The following LAMB3 variants were observed in gnomAD, a reference collection of about 807,000 sequenced individuals.
LAMB3 encodes the protein laminin subunit beta 3.
Under a neutral mutation model 140.3 loss-of-function variants are expected in LAMB3, and 104 were observed. That is an observed-to-expected ratio of 0.74 (90% CI 0.63 to 0.87). LAMB3 has a LOEUF of 0.87. LAMB3 is among the 40% of genes least tolerant of loss of function. LAMB3 has a pLI of 0.00. For missense variants in LAMB3, 1,531 were observed against 1,575.2 expected (o/e 0.97, Z 0.47); for synonymous variants, 592 against 602.9 (o/e 0.98, Z 0.26).
chr1:209,621,236 A>G (rs1371169872), intron 18 of LAMB3, among the ~76,000 whole-genome samples: 1 of 152,212 alleles, frequency 6.6e-6, no homozygotes, highest in African/African-American at 2.4e-5. Context: ...GACTTGACTC[A>G]GGGGCAAGAA....
chr1:209,636,296 G>GACTTCTACCCACCAGTTATCATT (rs1666892226), intron 5 of LAMB3, among the ~76,000 whole-genome samples: 1 of 152,144 alleles, frequency 6.6e-6, no homozygotes, highest in Admixed American at 6.5e-5. Flanking sequence ...CAGCGTCCCT[G>GACTTCTACCCACCAGTTATCATT]ACTTCTACCC....
At chr1:209,633,547 A>G (rs1571822600) in intron 6 of LAMB3, among the ~76,000 whole-genome samples, 1 of 149,966 alleles carries the variant, frequency 6.7e-6, no homozygotes, top group Non-Finnish European at 1.5e-5. Flanking sequence ...AGTTTCAACT[A>G]TGCTTTGATT....
Position 209,632,938 on chromosome 1 carries a change from G to A in LAMB3, c.628+132C>T, listed in dbSNP as rs1666747996. On this transcript the variant is annotated intron_variant, in intron 7 of 22. Coordinates refer to ENST00000356082, the MANE Select transcript of LAMB3 (RefSeq NM_000228.3). ...CACAGACAATATCCCTATGGGGCAA[G>A]CAGGGCAAGTATCAAATCCCCAACC... 11 of 1,031,874 alleles carry A rather than the reference G, an allele frequency of 1.1e-5. No individual in the cohort carries two copies. The South Asian group carries it at 1.4e-4, about 13-fold the overall frequency. 63.9% of individuals were successfully genotyped at this position (1,031,874 alleles called of 1,614,324 possible).
At chr1:209,644,452 A>G (rs1352941406) in intron 3 of LAMB3, among the ~76,000 whole-genome samples, 3 of 152,218 alleles carry the variant, frequency 2.0e-5, no homozygotes, top group African/African-American at 4.8e-5. Context: ...TGAGGTAGCT[A>G]TACTACATTT....
At position 209,623,874 on chromosome 1, in the gene LAMB3, C is replaced by T. The variant is rs1278653716; in HGVS notation, c.2103G>A (p.Glu701=). Residue 701 remains glutamate, a synonymous_variant, in exon 15 of 23, where the codon GAG becomes GAA. Coordinates refer to ENST00000356082, the MANE Select transcript of LAMB3 (RefSeq NM_000228.3). The surrounding 1 kb of genome is among the most constrained non-coding windows in gnomAD (Gnocchi z 4.2). ...CAGCACTGCTTATTTTTTCAAACTG[C>T]TCCCTCTTCCTCTGATACATAGTAA... The part of the protein sequence containing the change: ...GLLTMYQRKR[E]QFEKISSADP... 6.2e-7 allele frequency: 1 copy of T among 1,614,178 alleles called. No homozygotes were observed.
Position 209,625,979 on chromosome 1 carries a change from C to T in LAMB3, c.1645G>A (p.Ala549Thr), listed in dbSNP as rs768613245. ...RGTEGPGCDK[A>T]SGRCLCRPGL... ...GGGCGGCAGAGGCAGCGGCCTGATG[C>T]CTTGTCGCAGCCCGGGCCCTCTGTT... Residue 549 changes from alanine (A) to threonine (T), a missense_variant, in exon 14 of 23, where the codon GCA becomes ACA. Ala to Thr is a moderately conservative substitution (Grantham distance 58, BLOSUM62 0). Transcript: ENST00000356082. 7.4e-6 allele frequency: 12 copies of T among 1,613,552 alleles called. 1 individual carries two copies. In the South Asian group the frequency reaches 1.1e-4, roughly 15 times the overall value.
Position 209,628,134 on chromosome 1 carries a change from C to A in LAMB3, c.1189G>T (p.Gly397Trp). Reference protein sequence around the residue: ...VPGAPCDPVTGQCVCKEHVQG... With the variant: ...VPGAPCDPVTWQCVCKEHVQG... ...ACATGCTCCTTGCACACACACTGCC[C>A]GGTCACTGGGTCACAGGGAGCCCCT... The change falls in exon 11 of 23, where the codon GGG becomes TGG. Residue 397 changes from glycine (G) to tryptophan (W), a missense_variant. By Grantham distance (184) the Gly-to-Trp change is radical (BLOSUM62 -2). Coordinates refer to ENST00000356082, the MANE Select transcript of LAMB3 (RefSeq NM_000228.3). The A allele has an allele frequency of 6.3e-7, 1 of 1,581,044 alleles. No homozygotes were observed. The highest frequency in any genetic ancestry group is 2.3e-5 in the East Asian group (1 of 42,904).
chr1:209,617,335 G>T, intron 21 of LAMB3, 75 bp downstream of exon 21: 2 of 1,463,010 alleles, frequency 1.4e-6, no homozygotes, highest in Non-Finnish European at 1.9e-6. Context: ...GTCTTATAAA[G>T]TGTGCAAAGT....
In LAMB3 at chr1:209,616,582, G is replaced by T; in HGVS notation, c.3271C>A (p.Arg1091=). ...IKQKYAELKD[R]LGQSSMLGEQ... ...CCCAGCATGGAACTCTGACCCAACCGGTCCTTCAACTCAGCATACTTTTGT... is the reference window on the plus strand; with the variant it reads ...CCCAGCATGGAACTCTGACCCAACCTGTCCTTCAACTCAGCATACTTTTGT... The change falls in exon 22 of 23, where the codon CGG becomes AGG. Residue 1091 remains arginine, a synonymous_variant. Transcript: ENST00000356082. 6.2e-7 allele frequency: 1 copy of T among 1,614,104 alleles called. No homozygotes were observed. The highest frequency in any genetic ancestry group is 2.2e-5 in the East Asian group (1 of 44,882).
chr1:209,648,258 A>G (rs1337085527), intron 3 of LAMB3, among the ~76,000 whole-genome samples: 2 of 152,206 alleles, frequency 1.3e-5, no homozygotes, highest in Admixed American at 1.3e-4. Flanking sequence ...CCTAAAGACC[A>G]TCTCATCTAA....
At chr1:209,633,984 C>G (rs1291383447) in intron 6 of LAMB3, among the ~76,000 whole-genome samples, 1 of 152,196 alleles carries the variant, frequency 6.6e-6, no homozygotes, top group African/African-American at 2.4e-5. Flanking sequence ...CTGGGTTTAC[C>G]AGAATTCCCT....
Position 209,618,036 on chromosome 1 carries a change from A to G in LAMB3, c.2922T>C (p.His974=), listed in dbSNP as rs1284559974. ...CATCTTCCACCTGGCCCTCCACTGC[A>G]TGGGCTCGGCTCCTGGGTGAGAGAA... ...AEAEEARSRA[H]AVEGQVEDVV... Residue 974 remains histidine (H), a synonymous_variant, in exon 20 of 23, where the codon CAT becomes CAC. Transcript: ENST00000356082. The G allele has an allele frequency of 7.4e-6, 12 of 1,614,006 alleles. No homozygotes were observed. Among genetic ancestry groups the G allele is most frequent in the Non-Finnish European group, 3.4e-6 (4 of 1,180,030 alleles).
intron 14 of LAMB3, 38 bp from the exon 15 acceptor site, chr1:209,624,038 G>T: frequency 6.3e-7 from 1 of 1,595,452 alleles, no homozygotes; most frequent in Non-Finnish European, 8.5e-7. Context: ...AATATAGGAG[G>T]GAGTTTTGCC....
At chr1:209,621,955 G>C (rs906788249) in intron 18 of LAMB3, among the ~76,000 whole-genome samples, 1 of 152,208 alleles carries the variant, frequency 6.6e-6, no homozygotes, top group African/African-American at 2.4e-5. Context: ...ACAACTGAAT[G>C]AGGGTGAGTA....
intron 3 of LAMB3, among the ~76,000 whole-genome samples, chr1:209,640,217 A>T (rs771864683): frequency 1.3e-5 from 2 of 152,228 alleles, no homozygotes; most frequent in Non-Finnish European, 2.9e-5. Context: ...TTGGGTGTTT[A>T]AGGCTCAAAT....
At chr1:209,644,483 T>C (rs560079204) in intron 3 of LAMB3, among the ~76,000 whole-genome samples, 1 of 152,324 alleles carries the variant, frequency 6.6e-6, no homozygotes, top group African/African-American at 2.4e-5. Context: ...GGTATCCCCA[T>C]TTTGCAGATT....
At chr1:209,646,336 G>A (rs2076517912) in intron 3 of LAMB3, among the ~76,000 whole-genome samples, 1 of 152,220 alleles carries the variant, frequency 6.6e-6, no homozygotes, top group Non-Finnish European at 1.5e-5. Context: ...ATCTGTCTCT[G>A]AGAAGCAAGC....
rs201154610 is a variant in LAMB3, at chr1:209,625,969, C to A, written c.1655G>T (p.Arg552Leu). 1.9e-6 allele frequency: 3 copies of A among 1,613,548 alleles called. No homozygotes were observed. Residue 552 changes from arginine (R) to leucine (L), a missense_variant, in exon 14 of 23, where the codon CGC becomes CTC. Arg to Leu is a moderately radical substitution (Grantham distance 102, BLOSUM62 -2). Coordinates refer to ENST00000356082, the MANE Select transcript of LAMB3 (RefSeq NM_000228.3). ...EGPGCDKASG[R>L]CLCRPGLTGP... Reference sequence around the variant, plus strand: ...GGTCAAGCCAGGGCGGCAGAGGCAGCGGCCTGATGCCTTGTCGCAGCCCGG... The same window carrying A: ...GGTCAAGCCAGGGCGGCAGAGGCAGAGGCCTGATGCCTTGTCGCAGCCCGG...
chr1:209,616,213 A>G (rs760923916), intron 22 of LAMB3, among the ~76,000 whole-genome samples: 2 of 152,196 alleles, frequency 1.3e-5, no homozygotes, highest in Non-Finnish European at 2.9e-5. Flanking sequence ...CAATAGGAAT[A>G]AAAAATATGA....
Sources: allele counts gnomAD v4.1 joint callset (sites outside exome capture counted in the v4.1 genomes callset), GRCh38; gene constraint gnomAD v4.1.1; non-coding constraint Gnocchi (gnomAD v3.1); transcripts MANE v1.5; gene names NCBI Gene and HGNC (gene_info 2026-07-23, HGNC 2026-07-21).